Variants in EXOC4 observed in about 807,000 individuals in gnomAD.
EXOC4 encodes SEC8-like 1.
EXOC4 carries 71 observed loss-of-function variants against 107.2 expected under a neutral mutation model. The observed-to-expected ratio is 0.66, with a 90% CI of 0.55 to 0.81. The LOEUF is 0.81. Among genes scored for constraint, EXOC4 ranks in the 30% least tolerant of loss-of-function variants. The pLI, the probability that EXOC4 is intolerant of heterozygous loss-of-function variation, is 0.00. For missense variants in EXOC4, 1,108 were observed against 1,189.6 expected (o/e 0.93, Z 1.01); for synonymous variants, 456 against 441.2 (o/e 1.03, Z -0.42).
intron 9 of EXOC4, among the ~76,000 whole-genome samples, chr7:133,606,493 C>T (rs139048473): frequency 6.7e-6 from 1 of 150,314 alleles, no homozygotes; most frequent in East Asian, 1.9e-4. Context: ...TCCTTTGCTG[C>T]TGTTTATTAT....
At chr7:133,842,590 T>C (rs998208395) in intron 11 of EXOC4, among the ~76,000 whole-genome samples, 9 of 152,220 alleles carry the variant, frequency 5.9e-5, no homozygotes, top group African/African-American at 2.2e-4. Flanking sequence ...TCCCATAATG[T>C]AGGTTGTCTG....
At chr7:134,011,771 A>G (rs535679421) in intron 17 of EXOC4, among the ~76,000 whole-genome samples, 1 of 151,518 alleles carries the variant, frequency 6.6e-6, no homozygotes, top group African/African-American at 2.4e-5. Context: ...TCAGATGATA[A>G]TATATGCTGT....
chr7:133,843,476 G>A (rs1798062593), intron 11 of EXOC4, among the ~76,000 whole-genome samples: 1 of 152,108 alleles, frequency 6.6e-6, no homozygotes, highest in African/African-American at 2.4e-5. Context: ...CTTGGATGTT[G>A]TTGGTGTATA....
chr7:133,544,188 T>C (rs1013354879), intron 9 of EXOC4, among the ~76,000 whole-genome samples: 15 of 152,074 alleles, frequency 9.9e-5, no homozygotes, highest in Non-Finnish European at 1.9e-4. Flanking sequence ...CTGAGAAATA[T>C]ATGTTCAAAG....
At chr7:134,074,794 A>G in the EXOC4 span, among the ~76,000 whole-genome samples, 1 of 152,226 alleles carries the variant, frequency 6.6e-6, no homozygotes, top group Non-Finnish European at 1.5e-5. Context: ...CGAATCCACT[A>G]TGGAGTATCG....
intron 9 of EXOC4, among the ~76,000 whole-genome samples, chr7:133,605,507 G>A (rs1801920132): frequency 6.6e-6 from 1 of 152,110 alleles, no homozygotes. Context: ...GAAATGTGTG[G>A]CCTTTATTCT....
chr7:134,052,703 C>A (rs1057242183), intron 17 of EXOC4, among the ~76,000 whole-genome samples: 5 of 152,124 alleles, frequency 3.3e-5, no homozygotes, highest in African/African-American at 1.2e-4. Flanking sequence ...TTATTTATCC[C>A]ATGCTTAAAT....
intron 9 of EXOC4, among the ~76,000 whole-genome samples, chr7:133,509,394 C>T (rs1191508239): frequency 1.3e-5 from 2 of 151,718 alleles, no homozygotes; most frequent in Non-Finnish European, 2.9e-5. Flanking sequence ...CACCACTGCA[C>T]TCCAGCCTGG....
intron 10 of EXOC4, among the ~76,000 whole-genome samples, chr7:133,692,095 T>C (rs765922817): frequency 6.6e-6 from 1 of 152,198 alleles, no homozygotes; most frequent in African/African-American, 2.4e-5. Context: ...AGTGAGGCTA[T>C]GGAGTATGTC....
At chr7:134,040,686 A>G (rs1255571862) in intron 17 of EXOC4, among the ~76,000 whole-genome samples, 2 of 152,252 alleles carry the variant, frequency 1.3e-5, no homozygotes, top group African/African-American at 4.8e-5. Context: ...CAAAGTAATC[A>G]GTGCACAAAT....
At chr7:133,533,852 T>G (rs1800225441) in intron 9 of EXOC4, among the ~76,000 whole-genome samples, 1 of 152,124 alleles carries the variant, frequency 6.6e-6, no homozygotes, top group Non-Finnish European at 1.5e-5. Flanking sequence ...GACTCTTCTG[T>G]TTCCCCGATG....
At chr7:134,092,519 A>G in the EXOC4 span, among the ~76,000 whole-genome samples, 2 of 152,218 alleles carry the variant, frequency 1.3e-5, no homozygotes, top group African/African-American at 4.8e-5. Flanking sequence ...TACTCAGCAG[A>G]AACCTTATAA....
intron 11 of EXOC4, among the ~76,000 whole-genome samples, chr7:133,888,081 G>T (rs1006954440): frequency 6.6e-5 from 10 of 152,046 alleles, no homozygotes; most frequent in African/African-American, 2.4e-4. Context: ...TTCACCTTCT[G>T]ATTATTTTAC....
At chr7:133,915,834 C>T (rs1799797077) in intron 12 of EXOC4, among the ~76,000 whole-genome samples, 1 of 152,134 alleles carries the variant, frequency 6.6e-6, no homozygotes, top group Non-Finnish European at 1.5e-5. Context: ...ATTTTTGTGT[C>T]TCTGACCATG....
At chr7:133,833,725 C>A (rs551260629) in intron 11 of EXOC4, among the ~76,000 whole-genome samples, 3 of 152,240 alleles carry the variant, frequency 2.0e-5, no homozygotes, top group African/African-American at 7.2e-5. Context: ...ACCACACCCA[C>A]CTAATTTTTT....
At chr7:133,494,246 C>T (rs1038227579) in intron 9 of EXOC4, among the ~76,000 whole-genome samples, 2 of 152,066 alleles carry the variant, frequency 1.3e-5, no homozygotes, top group African/African-American at 2.4e-5. Context: ...CCCTTATAGA[C>T]ACACTCAGAA....
At chr7:133,307,501 G>T (rs888175001) in intron 4 of EXOC4, among the ~76,000 whole-genome samples, 1 of 152,114 alleles carries the variant, frequency 6.6e-6, no homozygotes, top group Admixed American at 6.6e-5. Flanking sequence ...GGGAAAATGA[G>T]CATTATTTGA....
At chr7:133,869,732 G>A (rs1168599625) in intron 11 of EXOC4, among the ~76,000 whole-genome samples, 1 of 152,120 alleles carries the variant, frequency 6.6e-6, no homozygotes, top group Non-Finnish European at 1.5e-5. Context: ...ATCACTTAAG[G>A]GGCACGAGGG....
chr7:133,808,113 C>T (rs932218726), intron 10 of EXOC4, among the ~76,000 whole-genome samples: 8 of 152,178 alleles, frequency 5.3e-5, no homozygotes, highest in East Asian at 3.8e-4. Flanking sequence ...TTGTCTCCTA[C>T]GGGTATGGGC....
Sources: gnomAD v4.1 joint callset for allele counts (sites outside exome capture counted in the v4.1 genomes callset) on GRCh38, gnomAD v4.1.1 for gene constraint, MANE v1.5 for transcripts, NCBI Gene and HGNC (gene_info 2026-07-23, HGNC 2026-07-21) for gene names.